SLC14A2: variants seen among roughly 807,000 people sequenced by gnomAD.
SLC14A2 encodes solute carrier family 14 member 2.
Under a neutral mutation model 104.6 loss-of-function variants are expected in SLC14A2, and 91 were observed. The ratio of observed to expected loss-of-function variants is 0.87; its 90% CI spans 0.73 to 1.04. The LOEUF is 1.04. Ranked by LOEUF, SLC14A2 falls within the 50% of genes least tolerant of loss-of-function variation. The pLI is 0.00. For synonymous variants in SLC14A2, 476 were observed against 466.4 expected, an observed-to-expected ratio of 1.02 and a Z score of -0.27; for missense variants, 1,189 against 1,156.0, an observed-to-expected ratio of 1.03 and a Z score of -0.41.
intron 2 of SLC14A2, among the ~76,000 whole-genome samples, chr18:45,483,866 C>A (rs1481725540): frequency 2.0e-5 from 3 of 152,150 alleles, no homozygotes; most frequent in African/African-American, 7.2e-5. Context: ...ACCAGCTGTT[C>A]TATACTTATA....
Position 45,459,642 on chromosome 18 carries a change from G to A in SLC14A2, c.-124-23591G>A, listed in dbSNP as rs563892550. Among the ~76,000 whole-genome samples the A allele has an allele frequency of 4.6e-5, 7 of 152,294 alleles. 1 individual carries two copies. In the South Asian group the frequency reaches 1.4e-3, roughly 32 times the overall value. On this transcript the variant is annotated intron_variant, in intron 1 of 20. Transcript: ENST00000586448. ...CCCGGGGCCTCGCCCAGTTCCTGGT[G>A]CACCAGCCTGCTCAGAAAGCACACA...
chr18:45,196,893 G>T, the SLC14A2 span, among the ~76,000 whole-genome samples: 1 of 152,158 alleles, frequency 6.6e-6, no homozygotes, highest in East Asian at 1.9e-4. Context: ...ATATAAACAA[G>T]AGCTAAGCTG....
chr18:45,489,977 G>C (rs970339241), intron 2 of SLC14A2: 1 of 152,170 alleles, frequency 6.6e-6, no homozygotes, highest in Non-Finnish European at 1.5e-5. Context: ...GAGATTAGGG[G>C]ACTTGCACAA....
chr18:45,273,206 A>C (rs2084668776), intron 1 of SLC14A2, among the ~76,000 whole-genome samples: 1 of 152,150 alleles, frequency 6.6e-6, no homozygotes, highest in Admixed American at 6.6e-5. Context: ...TATCCATTGA[A>C]GAAGTAAAAT....
chr18:45,423,324 G>A (rs2086375162), intron 1 of SLC14A2, among the ~76,000 whole-genome samples: 1 of 152,212 alleles, frequency 6.6e-6, no homozygotes, highest in Non-Finnish European at 1.5e-5. Flanking sequence ...GGAAGCAGTA[G>A]CTGAAGTACA....
chr18:45,629,563 G>T (rs2045313148), intron 4 of SLC14A2, among the ~76,000 whole-genome samples: 1 of 152,082 alleles, frequency 6.6e-6, no homozygotes, highest in South Asian at 2.1e-4. Context: ...TGTGACTCAG[G>T]CAAGTACTTC....
intron 2 of SLC14A2, among the ~76,000 whole-genome samples, chr18:45,575,617 T>C (rs1339099973): frequency 1.3e-5 from 2 of 152,184 alleles, no homozygotes; most frequent in African/African-American, 4.8e-5. Context: ...GAACACCGCA[T>C]TTTGCTTTCA....
At chr18:45,669,794 C>A (rs2046098966) in intron 16 of SLC14A2, among the ~76,000 whole-genome samples, 1 of 152,216 alleles carries the variant, frequency 6.6e-6, no homozygotes, top group Admixed American at 6.5e-5. Flanking sequence ...AGAACTTCAG[C>A]CTCCTGACTT....
At chr18:45,633,311 A>G (rs980626121) in intron 5 of SLC14A2, among the ~76,000 whole-genome samples, 3 of 152,124 alleles carry the variant, frequency 2.0e-5, no homozygotes, top group Non-Finnish European at 2.9e-5. Context: ...CTAAAAGCTG[A>G]AAACCTGCTT....
chr18:45,335,375 T>C (rs947366768), intron 1 of SLC14A2, among the ~76,000 whole-genome samples: 1 of 152,268 alleles, frequency 6.6e-6, no homozygotes, highest in African/African-American at 2.4e-5. Context: ...TTGTTGTATG[T>C]GTAAATTAGA....
chr18:45,635,063 C>T (rs2045397930), intron 5 of SLC14A2: 3 of 345,366 alleles, frequency 8.7e-6, no homozygotes, highest in Non-Finnish European at 1.7e-5. Context: ...TGAATACACT[C>T]CTTTAATTTG....
intron 4 of SLC14A2, among the ~76,000 whole-genome samples, chr18:45,628,175 G>A (rs965509751): frequency 2.0e-5 from 3 of 152,072 alleles, no homozygotes; most frequent in African/African-American, 7.2e-5. Flanking sequence ...GCTGGGCATG[G>A]TGGTTCACAC....
At chr18:45,517,135 G>A (rs1361797192) in intron 2 of SLC14A2, among the ~76,000 whole-genome samples, 1 of 152,212 alleles carries the variant, frequency 6.6e-6, no homozygotes, top group Non-Finnish European at 1.5e-5. Flanking sequence ...AGGACACAGA[G>A]GGCTCAGGGC....
chr18:45,195,745 G>A, the SLC14A2 span, among the ~76,000 whole-genome samples: 6 of 152,098 alleles, frequency 3.9e-5, no homozygotes, highest in Middle Eastern at 3.2e-3. Flanking sequence ...TATCAGAGTC[G>A]TGAATTCAAA....
chr18:45,399,345 G>A (rs1006958645), intron 1 of SLC14A2, among the ~76,000 whole-genome samples: 4 of 152,194 alleles, frequency 2.6e-5, no homozygotes, highest in African/African-American at 9.7e-5. Flanking sequence ...TTGCAGTGCT[G>A]AGCGTGAGAT....
intron 1 of SLC14A2, among the ~76,000 whole-genome samples, chr18:45,325,345 C>A (rs1205269002): frequency 1.3e-5 from 2 of 152,186 alleles, no homozygotes; most frequent in African/African-American, 4.8e-5. Context: ...TTTTTCACAG[C>A]TGCCCCTTTG....
At chr18:45,214,914 TAAAAAAAAA>T (rs11332986) in intron 1 of SLC14A2, among the ~76,000 whole-genome samples, 16 of 113,900 alleles carry the variant, frequency 1.4e-4, no homozygotes, top group Middle Eastern at 4.4e-3. Context: ...ACCATGTCTT[TAAAAAAAAA>T]AAAAAAAAAA....
chr18:45,169,404 TGCTGAC>T, the SLC14A2 span, among the ~76,000 whole-genome samples: 2 of 152,198 alleles, frequency 1.3e-5, no homozygotes, highest in African/African-American at 4.8e-5. Flanking sequence ...ATTGATCTGA[TGCTGAC>T]ACTGACACTG....
chr18:45,298,964 A>G (rs997273903), intron 1 of SLC14A2, among the ~76,000 whole-genome samples: 1 of 152,144 alleles, frequency 6.6e-6, no homozygotes, highest in African/African-American at 2.4e-5. Flanking sequence ...TTGAAAAGCC[A>G]TTATTTAACT....
Sources: allele counts gnomAD v4.1 joint callset (sites outside exome capture counted in the v4.1 genomes callset), GRCh38; gene constraint gnomAD v4.1.1; transcripts MANE v1.5; gene names NCBI Gene and HGNC (gene_info 2026-07-23, HGNC 2026-07-21).